The following RUFY2 variants were observed in gnomAD, a reference collection of about 807,000 sequenced individuals.
RUFY2 encodes RUN and FYVE domain containing 2, also known as RUN and FYVE domain-containing protein 2.
In RUFY2, 49 loss-of-function variants were observed where a neutral mutation model predicts 94.4. The ratio of observed to expected loss-of-function variants is 0.52; its 90% CI spans 0.41 to 0.66. The LOEUF (loss-of-function observed/expected upper bound fraction) is 0.66, where lower values mean the gene tolerates loss of function less well. Among genes scored for constraint, RUFY2 ranks in the 30% least tolerant of loss-of-function variants. The pLI is 0.00. For synonymous variants in RUFY2, 255 were observed against 235.7 expected, an observed-to-expected ratio of 1.08 and a Z score of -0.75; for missense variants, 541 against 692.8, an observed-to-expected ratio of 0.78 and a Z score of 2.46.
chr10:68,373,674 A>C (rs1020450881), intron 13 of RUFY2, among the ~76,000 whole-genome samples: 10 of 152,200 alleles, frequency 6.6e-5, no homozygotes, highest in African/African-American at 2.4e-4. Flanking sequence ...CAGGAGGCTG[A>C]GGCAGGAAGA....
chr10:68,393,988 C>A, intron 6 of RUFY2, 87 bp downstream of exon 6: 1 of 1,432,384 alleles, frequency 7.0e-7, no homozygotes. Flanking sequence ...CAAAATAAAA[C>A]CACACTGTAA....
intron 6 of RUFY2, 180 bp downstream of exon 6, chr10:68,393,895 C>G (rs1280506386): frequency 7.5e-7 from 1 of 1,328,914 alleles, no homozygotes; most frequent in African/African-American, 1.5e-5. Flanking sequence ...ACCTCCTTCT[C>G]CTAAGTGATT....
In RUFY2 at chr10:68,344,529, A is replaced by G. The variant is rs1464495056; in HGVS notation, c.*1239T>C. ...AACTTGGATTAGTGTTCATTGAGTC[A>G]GCTTGAAATAGGTCAAGTGTACTGG... On this transcript the variant is annotated 3_prime_UTR_variant, in exon 18 of 18. Coordinates refer to ENST00000602465, the MANE Select transcript of RUFY2 (RefSeq NM_001330103.2). 6.6e-6 allele frequency: 1 copy of G among 152,208 alleles called. No individual in the cohort carries two copies. 9.4% of individuals were successfully genotyped at this position (152,208 alleles called of 1,614,324 possible).
intron 13 of RUFY2, among the ~76,000 whole-genome samples, chr10:68,365,273 G>A (rs898472541): frequency 6.6e-6 from 1 of 152,102 alleles, no homozygotes; most frequent in African/African-American, 2.4e-5. Flanking sequence ...TTCAACTAAT[G>A]TTATTTCATT....
chr10:68,358,608 C>G (rs1233738461), intron 15 of RUFY2, among the ~76,000 whole-genome samples: 1 of 152,148 alleles, frequency 6.6e-6, no homozygotes, highest in Admixed American at 6.6e-5. Flanking sequence ...TAATGATATT[C>G]ACCACAGAAA....
At chr10:68,362,782 G>A (rs569490439) in intron 15 of RUFY2, among the ~76,000 whole-genome samples, 127 of 138,466 alleles carry the variant, frequency 9.2e-4, no homozygotes, top group African/African-American at 3.1e-3. Context: ...CCCTGTCTTT[G>A]AAAAAAAAAA....
intron 13 of RUFY2, among the ~76,000 whole-genome samples, chr10:68,376,491 T>TATATATATATATATATTCA (rs1589884310): frequency 9.7e-6 from 1 of 103,410 alleles, no homozygotes; most frequent in Non-Finnish European, 2.0e-5. Flanking sequence ...TATATATATA[T>TATATATATATATATATTCA]TCTCAGAAAA....
rs538501257 is a variant in RUFY2 at position 68,407,120 on chromosome 10, C to A, written c.4+66G>T. The A allele has an allele frequency of 5.8e-4, 884 of 1,514,922 alleles. 7 individuals are homozygous for A. In the South Asian group the frequency reaches 0.01, roughly 18 times the overall value. 93.8% of individuals were successfully genotyped at this position (1,514,922 alleles called of 1,614,324 possible). A position where few individuals can be genotyped will look rare whatever the true frequency, so the allele number is the denominator to read the frequency against. ...GTCTCCCCCAGCTCCCAGTCCACCC[C>A]GCCTGGCCGCGGCCCTCAGCCCGGG... On this transcript the variant is annotated intron_variant, in intron 1 of 17. Transcript: ENST00000602465.
chr10:68,352,656 C>A (rs917060057), intron 16 of RUFY2, among the ~76,000 whole-genome samples: 1 of 152,112 alleles, frequency 6.6e-6, no homozygotes, highest in African/African-American at 2.4e-5. Flanking sequence ...GGTGGCTGGG[C>A]ACGGTGGCTC....
rs200775738 is a variant in RUFY2 at position 68,345,743 on chromosome 10, T to C, written c.*25A>G. On this transcript the variant is annotated 3_prime_UTR_variant, in exon 18 of 18. Transcript: ENST00000602465. ...ATAACATTCATTGTAGGTAATTTCATACATAAGGATTTAGTTCTGGAGTCT... is the reference window on the plus strand; with the variant it reads ...ATAACATTCATTGTAGGTAATTTCACACATAAGGATTTAGTTCTGGAGTCT... 3 of 1,595,122 alleles carry C rather than the reference T, an allele frequency of 1.9e-6. No homozygotes were observed. The highest frequency in any genetic ancestry group is 1.3e-5 in the African/African-American group (1 of 74,422).
chr10:68,383,613 C>G (rs2049261635), intron 10 of RUFY2, among the ~76,000 whole-genome samples, 185 bp downstream of exon 10: 1 of 152,178 alleles, frequency 6.6e-6, no homozygotes, highest in African/African-American at 2.4e-5. Context: ...GAGTGAGAAT[C>G]TGTCTCAAAA....
At chr10:68,379,068 G>A (rs1324934788) in intron 12 of RUFY2, 1 of 269,522 alleles carries the variant, frequency 3.7e-6, no homozygotes, top group Non-Finnish European at 6.9e-6. Context: ...CAAAGAATAT[G>A]ACAATTAATA....
chr10:68,405,632 G>C, intron 1 of RUFY2: 1 of 844,558 alleles, frequency 1.2e-6, no homozygotes, highest in Non-Finnish European at 1.4e-6. Flanking sequence ...TAGGATTCCA[G>C]TGTCATCCAC....
intron 13 of RUFY2, among the ~76,000 whole-genome samples, chr10:68,373,498 G>A (rs1360187147): frequency 6.6e-6 from 1 of 152,196 alleles, no homozygotes; most frequent in Non-Finnish European, 1.5e-5. Context: ...CAAGCATGAT[G>A]GCTCATGCCT....
At chr10:68,402,511 A>G (rs760375017) in intron 2 of RUFY2, among the ~76,000 whole-genome samples, 12 of 152,178 alleles carry the variant, frequency 7.9e-5, no homozygotes, top group Non-Finnish European at 1.6e-4. Context: ...AGATAAGCCT[A>G]TAACTGCTAG....
intron 1 of RUFY2, 24 bp from the exon 2 acceptor site, chr10:68,404,868 A>C (rs753064366): frequency 2.6e-6 from 4 of 1,529,030 alleles, no homozygotes; most frequent in Middle Eastern, 3.5e-4. Context: ...AAAGGAATCC[A>C]ACATCATTTG....
In RUFY2 at chr10:68,347,499, G is replaced by A. The variant is rs573930256; in HGVS notation, c.1600-1415C>T. 9.2e-5 allele frequency among the ~76,000 whole-genome samples: 14 copies of A among 152,064 alleles called. No homozygotes were observed. In the East Asian group the frequency reaches 2.5e-3, roughly 27 times the overall value. ...GGGTTTCACCATGTTGGCCAGACTGGTCTCAAACTCCTGACCTCAGGTGAT... is the reference window on the plus strand; with the variant it reads ...GGGTTTCACCATGTTGGCCAGACTGATCTCAAACTCCTGACCTCAGGTGAT... On this transcript the variant is annotated intron_variant, in intron 16 of 17. Coordinates refer to ENST00000602465, the MANE Select transcript of RUFY2 (RefSeq NM_001330103.2).
chr10:68,341,585 A>T, downstream of RUFY2: 9 of 1,596,820 alleles, frequency 5.6e-6, no homozygotes, highest in Non-Finnish European at 7.7e-6. Context: ...TTTCTTAAAG[A>T]ACATCGATAT....
chr10:68,362,077 C>T (rs2047493458), intron 15 of RUFY2, among the ~76,000 whole-genome samples: 1 of 152,126 alleles, frequency 6.6e-6, no homozygotes, highest in South Asian at 2.1e-4. Flanking sequence ...GTAATCTCAG[C>T]ACTTTGGGAG....
Sources: allele counts gnomAD v4.1 joint callset (sites outside exome capture counted in the v4.1 genomes callset), GRCh38; gene constraint gnomAD v4.1.1; transcripts MANE v1.5; gene names NCBI Gene and HGNC (gene_info 2026-07-23, HGNC 2026-07-21).